WDR49: variants seen among roughly 807,000 people sequenced by gnomAD.
The protein encoded by WDR49 is WD repeat domain 49, also known as cilia- and flagella-associated protein 337.
Under a neutral mutation model 119.5 loss-of-function variants are expected in WDR49, and 107 were observed. The ratio of observed to expected loss-of-function variants is 0.90; its 90% CI spans 0.77 to 1.05. WDR49 has a LOEUF of 1.05. WDR49 is among the 50% of genes least tolerant of loss of function. The probability of loss-of-function intolerance (pLI) is 0.00; values close to 1 mark genes in which losing one functional copy is unlikely to be tolerated. For missense variants in WDR49, 1,240 were observed against 1,220.5 expected, an observed-to-expected ratio of 1.02 and a Z score of -0.24; for synonymous variants, 425 against 418.8, an observed-to-expected ratio of 1.01 and a Z score of -0.18.
At chr3:167,486,263 T>G (rs1234217999) in intron 18 of WDR49, among the ~76,000 whole-genome samples, 1 of 152,036 alleles carries the variant, frequency 6.6e-6, no homozygotes, top group Non-Finnish European at 1.5e-5. Flanking sequence ...ATCCTAAATA[T>G]AGAACCAAAA....
chr3:167,549,167 C>A (rs991183267), intron 10 of WDR49, among the ~76,000 whole-genome samples: 1 of 152,134 alleles, frequency 6.6e-6, no homozygotes, highest in African/African-American at 2.4e-5. Flanking sequence ...GCGCATGTGT[C>A]TTTATAGCAG....
At chr3:167,582,454 T>G (rs923081890) in intron 7 of WDR49, among the ~76,000 whole-genome samples, 1 of 152,200 alleles carries the variant, frequency 6.6e-6, no homozygotes, top group Non-Finnish European at 1.5e-5. Flanking sequence ...TCTTCTCTTC[T>G]GCCGTTTATC....
chr3:167,613,917 G>A (rs1716470339), intron 5 of WDR49, among the ~76,000 whole-genome samples: 1 of 149,418 alleles, frequency 6.7e-6, no homozygotes, highest in South Asian at 2.1e-4. Flanking sequence ...TGCAGCCTGG[G>A]TGACAGAGCA....
intron 5 of WDR49, among the ~76,000 whole-genome samples, chr3:167,607,427 T>C (rs1716115872): frequency 6.6e-6 from 1 of 152,170 alleles, no homozygotes; most frequent in African/African-American, 2.4e-5. Flanking sequence ...TATGACTACT[T>C]TAAATAGTTT....
chr3:167,620,922 C>T (rs1484995085), intron 4 of WDR49, among the ~76,000 whole-genome samples: 1 of 152,064 alleles, frequency 6.6e-6, no homozygotes, highest in Non-Finnish European at 1.5e-5. Context: ...TAGTTTCATT[C>T]AGTAAGTAAT....
At chr3:167,641,168 G>A (rs891340765) in intron 2 of WDR49, among the ~76,000 whole-genome samples, 1 of 151,820 alleles carries the variant, frequency 6.6e-6, no homozygotes, top group Non-Finnish European at 1.5e-5. Flanking sequence ...TGGCATAAGG[G>A]TTCGAGCCAA....
chr3:167,601,547 G>T (rs1311230729), intron 7 of WDR49, among the ~76,000 whole-genome samples: 1 of 152,042 alleles, frequency 6.6e-6, no homozygotes, highest in Non-Finnish European at 1.5e-5. Context: ...TGCCTAAGTG[G>T]ATATAAGTAA....
chr3:167,633,266 GCTT>G (rs1157708404), intron 2 of WDR49: 5 of 352,776 alleles, frequency 1.4e-5, no homozygotes, highest in Non-Finnish European at 2.2e-5. Flanking sequence ...GAAATCCTCT[GCTT>G]CTATGACTAT....
intron 2 of WDR49, among the ~76,000 whole-genome samples, chr3:167,648,419 TC>T (rs1718227079): frequency 1.3e-5 from 2 of 152,190 alleles, no homozygotes; most frequent in African/African-American, 4.8e-5. Context: ...CAGATTATTG[TC>T]CCAGAAAACC....
chr3:167,489,494 T>C (rs959250505), intron 18 of WDR49, among the ~76,000 whole-genome samples: 1 of 152,152 alleles, frequency 6.6e-6, no homozygotes, highest in Admixed American at 6.6e-5. Context: ...ATGACATTTA[T>C]ACACTCATCA....
At chr3:167,510,899 TC>T (rs2108219613) in intron 16 of WDR49, among the ~76,000 whole-genome samples, 1 of 150,564 alleles carries the variant, frequency 6.6e-6, no homozygotes, top group East Asian at 2.0e-4. Context: ...GTGTACTTTT[TC>T]TCCTGTAGTC....
intron 5 of WDR49, among the ~76,000 whole-genome samples, chr3:167,611,980 G>A (rs539714777): frequency 1.3e-5 from 2 of 152,180 alleles, no homozygotes; most frequent in South Asian, 2.1e-4. Context: ...TATGGACCAA[G>A]TGGATCCAAT....
chr3:167,644,336 A>G (rs1718020933), intron 2 of WDR49, among the ~76,000 whole-genome samples: 1 of 152,094 alleles, frequency 6.6e-6, no homozygotes, highest in Non-Finnish European at 1.5e-5. Flanking sequence ...TATGGTATAG[A>G]TAAGGTGCCC....
Position 167,478,761 on chromosome 3 carries a change from T to C in WDR49, c.*117A>G. On this transcript the variant is annotated 3_prime_UTR_variant, in exon 19 of 19. Transcript: ENST00000682715. ...ATAAAAGCAGTACTAAATTATCCCA[T>C]GAAGAGAAAACTTCCTGAAGTTTAA... 2 of 638,860 alleles carry C rather than the reference T, an allele frequency of 3.1e-6. No homozygotes were observed. The allele number at this position is 638,860 out of a possible 1,614,324, so 39.6% of individuals were successfully genotyped here.
At chr3:167,587,044 A>G (rs1714856047) in intron 7 of WDR49, among the ~76,000 whole-genome samples, 1 of 152,160 alleles carries the variant, frequency 6.6e-6, no homozygotes, top group African/African-American at 2.4e-5. Flanking sequence ...CCAGAAAGAC[A>G]TTGCCCCTAA....
chr3:167,514,812 C>A (rs1190897078), intron 16 of WDR49, among the ~76,000 whole-genome samples: 1 of 152,152 alleles, frequency 6.6e-6, no homozygotes, highest in Non-Finnish European at 1.5e-5. Context: ...GATATCACCA[C>A]TGGCCCCACA....
At chr3:167,633,105 G>A (rs1311384666) in intron 2 of WDR49, among the ~76,000 whole-genome samples, 1 of 151,898 alleles carries the variant, frequency 6.6e-6, no homozygotes, top group East Asian at 1.9e-4. Flanking sequence ...GTGTGTGTGT[G>A]TGTGTGTGTG....
Position 167,620,506 on chromosome 3 carries a change from G to C in WDR49, c.881C>G (p.Ala294Gly). 6.5e-7 allele frequency: 1 copy of C among 1,536,086 alleles called. No homozygotes were observed. The highest frequency in any genetic ancestry group is 8.7e-7 in the Non-Finnish European group (1 of 1,146,760). The change falls in exon 5 of 19, where the codon GCA becomes GGA. Residue 294 changes from alanine to glycine, a missense_variant. By Grantham distance (60) the Ala-to-Gly change is moderately conservative (BLOSUM62 0). Transcript: ENST00000682715. ...DGEATMTINWAELLSGCHKCC... is the reference protein window; with the variant it reads ...DGEATMTINWGELLSGCHKCC... The stretch of plus-strand genomic sequence containing the variant: ...TTTGTGACATCCAGAGAGCAGCTCT[G>C]CCCAGTTAATGGTCATAGTGGCTTC...
chr3:167,536,820 C>T lies in WDR49; in HGVS notation c.1954+50G>A, dbSNP rs757329214. Reference sequence around the variant, plus strand: ...TAAAGGTGAGTGAGCCAAAACAAACCAAAACAAATCAAACTTCACCAATGA... The same window carrying T: ...TAAAGGTGAGTGAGCCAAAACAAACTAAAACAAATCAAACTTCACCAATGA... On this transcript the variant is annotated intron_variant, in intron 11 of 18. Coordinates refer to ENST00000682715, the MANE Select transcript of WDR49 (RefSeq NM_001366157.1). 2.9e-6 allele frequency: 4 copies of T among 1,382,024 alleles called. No homozygotes were observed. In the East Asian group the frequency reaches 1.1e-4, roughly 39 times the overall value. The allele number at this position is 1,382,024 out of a possible 1,614,324, so 85.6% of individuals were successfully genotyped here. A position where few individuals can be genotyped will look rare whatever the true frequency, so the allele number is the denominator to read the frequency against.
Sources: allele counts gnomAD v4.1 joint callset (sites outside exome capture counted in the v4.1 genomes callset), GRCh38; gene constraint gnomAD v4.1.1; transcripts MANE v1.5; gene names NCBI Gene and HGNC (gene_info 2026-07-23, HGNC 2026-07-21).